The following PCDH11Y variants were observed in gnomAD, a reference collection of about 807,000 sequenced individuals.
PCDH11Y encodes protocadherin 11 Y-linked, also known as protocadherin-11 Y-linked.
For synonymous variants in PCDH11Y, 9 were observed against 83.6 expected (o/e 0.11, Z 4.87); for missense variants, 12 against 224.8 (o/e 0.05, Z 6.05).
chrY:5,469,752 A>G, intron 2 of PCDH11Y, among the ~76,000 whole-genome samples: 3 of 34,285 alleles, frequency 8.8e-5, no homozygotes, highest in Non-Finnish European at 1.5e-4. Flanking sequence ...CTGAAGGTAA[A>G]TAATCATTAG....
At chrY:5,329,651 C>G (rs2053127504) in intron 2 of PCDH11Y, among the ~76,000 whole-genome samples, 1 of 32,694 alleles carries the variant, frequency 3.1e-5, no homozygotes, top group Non-Finnish European at 7.5e-5. Flanking sequence ...CTTCCCAGTC[C>G]GTGACCGGCG....
intron 4 of PCDH11Y, among the ~76,000 whole-genome samples, chrY:5,650,047 A>G: frequency 3.0e-5 from 1 of 33,207 alleles, no homozygotes; most frequent in Non-Finnish European, 7.5e-5. Flanking sequence ...CCATATGGAA[A>G]GTAACATAGA....
chrY:5,719,656 C>T (rs1602963916), intron 4 of PCDH11Y, among the ~76,000 whole-genome samples: 3 of 33,291 alleles, frequency 9.0e-5, no homozygotes, highest in Non-Finnish European at 2.2e-4. Flanking sequence ...AGAATCCTCA[C>T]GGAGAACCTC....
At chrY:5,359,112 G>A (rs372071471) in intron 2 of PCDH11Y, among the ~76,000 whole-genome samples, 2 of 29,540 alleles carry the variant, frequency 6.8e-5, no homozygotes, top group Admixed American at 3.2e-4. Context: ...CCGAAAAGGC[G>A]TCTCGATCCA....
At chrY:5,049,958 A>T in intron 3 of PCDH11Y, among the ~76,000 whole-genome samples, 1 of 32,767 alleles carries the variant, frequency 3.1e-5, no homozygotes, top group Non-Finnish European at 7.5e-5. Flanking sequence ...TTAATTGGTT[A>T]TCCATTTTTT....
At chrY:5,240,395 A>T in intron 2 of PCDH11Y, among the ~76,000 whole-genome samples, 3 of 32,601 alleles carry the variant, frequency 9.2e-5, no homozygotes, top group African/African-American at 3.6e-4. Context: ...AATGTTCTTC[A>T]TGGGATTTAG....
chrY:5,289,491 C>T (rs2053064932), intron 2 of PCDH11Y, among the ~76,000 whole-genome samples: 1 of 34,065 alleles, frequency 2.9e-5, no homozygotes, highest in Non-Finnish European at 7.4e-5. Flanking sequence ...GAGGAGATAG[C>T]TCCCAGGGCT....
At chrY:5,106,911 A>T, downstream of PCDH11Y, among the ~76,000 whole-genome samples, 1 of 31,685 alleles carries the variant, frequency 3.2e-5, no homozygotes, top group African/African-American at 1.2e-4. Context: ...TAAAATGACG[A>T]AGCCCAGAAA....
intron 4 of PCDH11Y, among the ~76,000 whole-genome samples, chrY:5,704,661 C>G: frequency 3.8e-4 from 12 of 31,374 alleles, no homozygotes; most frequent in Non-Finnish European, 9.2e-4. Flanking sequence ...GATCTCCTGA[C>G]CTCATGATCC....
chrY:5,267,211 T>C (rs2053028036), intron 2 of PCDH11Y, among the ~76,000 whole-genome samples: 1 of 20,662 alleles, frequency 4.8e-5, no homozygotes, highest in Non-Finnish European at 1.2e-4. Flanking sequence ...TTTTTTTTTT[T>C]TTTTTTTTTT....
chrY:5,594,443 G>T, intron 4 of PCDH11Y, among the ~76,000 whole-genome samples: 1 of 30,655 alleles, frequency 3.3e-5, no homozygotes, highest in Non-Finnish European at 8.0e-5. Flanking sequence ...CAGTGGAAGG[G>T]CAGGGTTCAC....
intron 2 of PCDH11Y, among the ~76,000 whole-genome samples, chrY:5,208,226 C>T: frequency 1.5e-4 from 5 of 32,506 alleles, no homozygotes; most frequent in Non-Finnish European, 3.0e-4. Flanking sequence ...GAGAACAGTA[C>T]GGGAAAGACC....
At chrY:5,263,782 C>T in intron 2 of PCDH11Y, among the ~76,000 whole-genome samples, 4 of 32,232 alleles carry the variant, frequency 1.2e-4, no homozygotes, top group African/African-American at 4.9e-4. Flanking sequence ...CACTACCAGG[C>T]TCCTTTCTAT....
intron 2 of PCDH11Y, among the ~76,000 whole-genome samples, chrY:5,295,044 A>G (rs2053072027): frequency 7.4e-4 from 25 of 33,857 alleles, no homozygotes; most frequent in African/African-American, 2.9e-3. Context: ...ATTTCCTTCA[A>G]CAGTGTAAAT....
intron 2 of PCDH11Y, among the ~76,000 whole-genome samples, chrY:5,397,811 C>T (rs2053228914): frequency 3.0e-5 from 1 of 33,012 alleles, no homozygotes; most frequent in Admixed American, 2.8e-4. Context: ...CTCAGCCTAC[C>T]GAGTAACTGG....
intron 2 of PCDH11Y, among the ~76,000 whole-genome samples, chrY:5,137,796 T>C (rs2052842579): frequency 3.0e-5 from 1 of 32,918 alleles, no homozygotes; most frequent in Non-Finnish European, 7.5e-5. Flanking sequence ...AGAAATGAGA[T>C]AATGAGATAG....
intron 4 of PCDH11Y, among the ~76,000 whole-genome samples, chrY:5,598,058 G>T: frequency 3.2e-5 from 1 of 31,597 alleles, no homozygotes; most frequent in East Asian, 8.5e-4. Context: ...TTCTATCAAA[G>T]ACCAATATAA....
chrY:5,298,551 A>C, intron 2 of PCDH11Y, among the ~76,000 whole-genome samples: 1 of 33,677 alleles, frequency 3.0e-5, no homozygotes, highest in Non-Finnish European at 7.4e-5. Flanking sequence ...TGTGTGCATG[A>C]TAGAATACAA....
chrY:5,519,172 C>T (rs2053376250), intron 3 of PCDH11Y, among the ~76,000 whole-genome samples: 1 of 32,272 alleles, frequency 3.1e-5, no homozygotes, highest in Non-Finnish European at 7.5e-5. Flanking sequence ...GGGTGGATCA[C>T]GAGGTCAGGA....
Sources: gnomAD v4.1 joint callset for allele counts (sites outside exome capture counted in the v4.1 genomes callset) on GRCh38, gnomAD v4.1.1 for gene constraint, MANE v1.5 for transcripts, NCBI Gene and HGNC (gene_info 2026-07-23, HGNC 2026-07-21) for gene names.